Variants in PLB1 observed in about 807,000 individuals in gnomAD.
PLB1 encodes the protein phospholipase B1, membrane-associated.
In PLB1, 242 loss-of-function variants were observed where a neutral mutation model predicts 227.4. That is an observed-to-expected ratio of 1.06 (90% confidence interval 0.96 to 1.18). PLB1 has a LOEUF of 1.18. Ranked by LOEUF, PLB1 falls within the 50% of genes most tolerant of loss-of-function variation. The pLI is 0.00. For missense variants in PLB1, 1,858 were observed against 1,816.3 expected (o/e 1.02, Z -0.42); for synonymous variants, 757 against 682.2 (o/e 1.11, Z -1.71).
intron 5 of PLB1, 36 bp downstream of exon 5, chr2:28,525,343 C>T: frequency 6.3e-7 from 1 of 1,597,852 alleles, no homozygotes; most frequent in Non-Finnish European, 8.6e-7. Context: ...CAGAAAGGAG[C>T]CCGGAGATGC....
At chr2:28,538,413 G>A (rs1462417098) in intron 10 of PLB1, 32 bp downstream of exon 10, 4 of 1,598,542 alleles carry the variant, frequency 2.5e-6, no homozygotes, top group African/African-American at 2.7e-5. Context: ...TTCCCCAAGG[G>A]CAGTGGGGCC....
chr2:28,596,940 G>GAAGCTAA (rs1305336728), intron 33 of PLB1, among the ~76,000 whole-genome samples: 7 of 152,192 alleles, frequency 4.6e-5, no homozygotes, highest in African/African-American at 1.4e-4. Flanking sequence ...CTTTGCTGGT[G>GAAGCTAA]GGCTGGAAGC....
At chr2:28,524,842 C>CT (rs1670008632) in intron 4 of PLB1, among the ~76,000 whole-genome samples, 1 of 124,684 alleles carries the variant, frequency 8.0e-6, no homozygotes, top group African/African-American at 3.5e-5. Flanking sequence ...CTCTCTCTCT[C>CT]TCTTTTTTTT....
chr2:28,630,363 C>A (rs997196901), intron 53 of PLB1, among the ~76,000 whole-genome samples: 4 of 152,320 alleles, frequency 2.6e-5, no homozygotes, highest in East Asian at 1.9e-4. Context: ...CAATCATCCT[C>A]TGGACCTCAG....
In PLB1 at chr2:28,567,817, G is replaced by A. The variant is rs529826808; in HGVS notation, c.1324+978G>A. Among the ~76,000 whole-genome samples, 63 of 152,068 alleles carry A rather than the reference G, an allele frequency of 4.1e-4. No individual in the cohort carries two copies. In the East Asian group the frequency reaches 8.3e-3, roughly 20 times the overall value. On this transcript the variant is annotated intron_variant, in intron 20 of 57. Transcript: ENST00000327757. The stretch of plus-strand genomic sequence containing the variant: ...CTGATCTTATCTTTTTAAAATTCTC[G>A]CCAGTGCGTACACATCTCCCTGCTT...
chr2:28,567,528 GA>G (rs1558781495), intron 20 of PLB1, among the ~76,000 whole-genome samples: 5 of 131,666 alleles, frequency 3.8e-5, no homozygotes, highest in African/African-American at 5.7e-5. Flanking sequence ...CTGGAGTGCA[GA>G]GTGGCGCCAT....
intron 35 of PLB1, among the ~76,000 whole-genome samples, chr2:28,600,501 G>GAA (rs1360646620): frequency 3.9e-5 from 6 of 152,176 alleles, no homozygotes; most frequent in African/African-American, 1.4e-4. Flanking sequence ...GAGATGAATG[G>GAA]TCTCTTAGCA....
chr2:28,600,812 T>G lies in PLB1; in HGVS notation c.2478T>G (p.Asp826Glu). Reference protein sequence around the residue: ...NQAVPGAKAEDLMSQVQTLMQ... With the variant: ...NQAVPGAKAEELMSQVQTLMQ... ...ATGGGTTTTCTCTCTTTCTCAGGGA[T>G]CTTATGAGCCAAGTCCAAACTCTGA... The change falls in exon 36 of 58, where the codon GAT becomes GAG. Residue 826 changes from aspartate to glutamate, a missense_variant. Physicochemically the swap from Asp to Glu is conservative, Grantham distance 45 (BLOSUM62 2). Coordinates refer to ENST00000327757, the MANE Select transcript of PLB1 (RefSeq NM_153021.5). 1.9e-6 allele frequency: 3 copies of G among 1,613,506 alleles called. No individual in the cohort carries two copies. Among genetic ancestry groups the G allele is most frequent in the Non-Finnish European group, 2.5e-6 (3 of 1,179,408 alleles).
In PLB1 at chr2:28,625,049, C is replaced by A. The variant is rs772441008; in HGVS notation, c.3528-8C>A. On this transcript the variant is annotated splice_region_variant and splice_polypyrimidine_tract_variant and intron_variant, in intron 49 of 57. Transcript: ENST00000327757. ...GCACTAACGCCCCTCTCTCTACCCCCCACCTAGGGACATGCCAGCCCAGGC... is the reference window on the plus strand; with the variant it reads ...GCACTAACGCCCCTCTCTCTACCCCACACCTAGGGACATGCCAGCCCAGGC... 1.2e-6 allele frequency: 2 copies of A among 1,613,112 alleles called. No homozygotes were observed. Among genetic ancestry groups the A allele is most frequent in the African/African-American group, 1.3e-5 (1 of 74,908 alleles).
At chr2:28,589,395 G>A in intron 26 of PLB1, 55 bp from the exon 27 acceptor site, 5 of 1,320,196 alleles carry the variant, frequency 3.8e-6, no homozygotes, top group Non-Finnish European at 5.5e-6. Flanking sequence ...ATCAATCAAG[G>A]ACCGAGCAGA....
At chr2:28,612,892 A>G (rs1242503874) in intron 43 of PLB1, among the ~76,000 whole-genome samples, 1 of 149,210 alleles carries the variant, frequency 6.7e-6, no homozygotes, top group Non-Finnish European at 1.5e-5. Flanking sequence ...TGCTGGGGTT[A>G]CAGGTGTGAG....
At chr2:28,562,925 G>T in intron 17 of PLB1, 116 bp from the exon 18 acceptor site, 1 of 970,942 alleles carries the variant, frequency 1.0e-6, no homozygotes, top group Non-Finnish European at 1.6e-6. Context: ...GTGTCTTGGT[G>T]GTAAAAACTG....
In PLB1 at chr2:28,496,164, G is replaced by A; in HGVS notation, c.50G>A (p.Gly17Glu). The stretch of plus-strand genomic sequence containing the variant: ...CTCCTGGAGCTGCTGCTGCTTCTGG[G>A]GCAAGGTAAGCGTGCCTTTTGCTCA... ...IFLLELLLLL[G>E]QGTPQIHTSP... The change falls in exon 1 of 58, where the codon GGG becomes GAG. Residue 17 changes from glycine to glutamate, a missense_variant. Gly to Glu is a moderately conservative substitution (Grantham distance 98). Transcript: ENST00000327757. 6.2e-7 allele frequency: 1 copy of A among 1,614,032 alleles called. No homozygotes were observed.
chr2:28,527,462 G>A (rs754096462), intron 6 of PLB1, among the ~76,000 whole-genome samples: 2 of 152,234 alleles, frequency 1.3e-5, no homozygotes, highest in Non-Finnish European at 2.9e-5. Flanking sequence ...GGCCTGTGCT[G>A]TGCAGCATGG....
At chr2:28,550,799 C>G (rs1166274774) in intron 16 of PLB1, among the ~76,000 whole-genome samples, 1 of 152,116 alleles carries the variant, frequency 6.6e-6, no homozygotes, top group Non-Finnish European at 1.5e-5. Context: ...CTCAGCCTCC[C>G]AAAGTGCTGA....
At chr2:28,592,259 C>T (rs1682088262) in intron 31 of PLB1, among the ~76,000 whole-genome samples, 1 of 152,152 alleles carries the variant, frequency 6.6e-6, no homozygotes, top group African/African-American at 2.4e-5. Context: ...TCCTGCACCT[C>T]GTCTTAATGT....
intron 49 of PLB1, 47 bp downstream of exon 49, chr2:28,621,025 C>A: frequency 6.6e-7 from 1 of 1,505,624 alleles, no homozygotes; most frequent in Non-Finnish European, 9.1e-7. Context: ...AAGACTGAGA[C>A]ATCAGGGTGG....
At chr2:28,636,404 T>C in intron 56 of PLB1, among the ~76,000 whole-genome samples, 1 of 152,196 alleles carries the variant, frequency 6.6e-6, no homozygotes, top group East Asian at 1.9e-4. Context: ...ACAGCCACTT[T>C]GGAAAATTCT....
intron 13 of PLB1, among the ~76,000 whole-genome samples, chr2:28,542,509 A>C (rs1330290688): frequency 2.0e-5 from 3 of 152,018 alleles, no homozygotes; most frequent in African/African-American, 7.3e-5. Context: ...ATGAGTTAAT[A>C]CTTGGGGGGA....
Sources: allele counts gnomAD v4.1 joint callset (sites outside exome capture counted in the v4.1 genomes callset), GRCh38; gene constraint gnomAD v4.1.1; transcripts MANE v1.5; gene names NCBI Gene and HGNC (gene_info 2026-07-23, HGNC 2026-07-21).